Variants in CMTM8 observed in about 807,000 individuals in gnomAD.
CMTM8 encodes CKLF-like MARVEL transmembrane domain-containing protein 8.
A neutral mutation model predicts 18.6 loss-of-function variants in CMTM8; 12 were observed. The ratio of observed to expected loss-of-function variants is 0.65; its 90% CI spans 0.41 to 1.05. The LOEUF is 1.05. CMTM8 is among the 50% of genes least tolerant of loss of function. The pLI is 0.00. For missense variants in CMTM8, 217 were observed against 227.2 expected, an observed-to-expected ratio of 0.95 and a Z score of 0.29; for synonymous variants, 87 against 90.6, an observed-to-expected ratio of 0.96 and a Z score of 0.23.
chr3:32,251,511 G>A (rs1289851560), intron 1 of CMTM8, among the ~76,000 whole-genome samples: 3 of 139,408 alleles, frequency 2.2e-5, no homozygotes, highest in East Asian at 2.1e-4. Flanking sequence ...GACAGGTTTT[G>A]CCATGTTGCC....
At position 32,339,907 on chromosome 3, in the gene CMTM8, C is replaced by G. The variant is rs1696461051; in HGVS notation, c.148-17466C>G. Among the ~76,000 whole-genome samples the G allele has an allele frequency of 2.6e-5, 4 of 152,158 alleles. No individual in the cohort carries two copies. The South Asian group carries it at 6.2e-4, about 24-fold the overall frequency. On this transcript the variant is annotated intron_variant, in intron 1 of 3. Transcript: ENST00000307526. Reference sequence around the variant, plus strand: ...GAACCCGGGAGGCAGAGCTTGCAGTCAGCCAAGATCGCACCACTGCACTCC... The same window carrying G: ...GAACCCGGGAGGCAGAGCTTGCAGTGAGCCAAGATCGCACCACTGCACTCC...
At chr3:32,355,088 C>T (rs946572469) in intron 1 of CMTM8, among the ~76,000 whole-genome samples, 1 of 152,192 alleles carries the variant, frequency 6.6e-6, no homozygotes. Context: ...TGCTCCCTGG[C>T]ACAGGCACCA....
At chr3:32,239,398 A>C (rs1274125394) in intron 1 of CMTM8, among the ~76,000 whole-genome samples, 1 of 152,022 alleles carries the variant, frequency 6.6e-6, no homozygotes, top group Admixed American at 6.5e-5. Flanking sequence ...TCCTGGGAGC[A>C]GGAAGCTTGG....
At chr3:32,304,559 A>C (rs1559374939) in intron 1 of CMTM8, among the ~76,000 whole-genome samples, 2 of 152,262 alleles carry the variant, frequency 1.3e-5, no homozygotes, top group Admixed American at 6.5e-5. Context: ...TGAACAAAAG[A>C]AGCTTAGTTT....
intron 1 of CMTM8, among the ~76,000 whole-genome samples, chr3:32,296,853 C>T (rs1559372790): frequency 6.6e-6 from 1 of 152,200 alleles, no homozygotes; most frequent in East Asian, 1.9e-4. Context: ...GGGCGGCAGA[C>T]TGTGTGTTAT....
chr3:32,238,584 G>A (rs1391253166), upstream of CMTM8: 1 of 158,658 alleles, frequency 6.3e-6, no homozygotes, highest in Non-Finnish European at 1.4e-5. Context: ...TCGGGCAACA[G>A]GTGAAGAGGG....
chr3:32,249,170 T>G (rs1702082780), intron 1 of CMTM8, among the ~76,000 whole-genome samples: 1 of 150,240 alleles, frequency 6.7e-6, no homozygotes, highest in Admixed American at 6.7e-5. Flanking sequence ...GGCTCACGCC[T>G]GTAATCCCAC....
chr3:32,344,355 C>G lies in CMTM8; in HGVS notation c.148-13018C>G, dbSNP rs146302908. ...AGAGTACATTTTCAATAATGGTGCT[C>G]CTGCCAGTCAAGACTAAAGTCAAAA... On this transcript the variant is annotated intron_variant, in intron 1 of 3. Coordinates refer to ENST00000307526, the MANE Select transcript of CMTM8 (RefSeq NM_178868.5). 2.2e-4 allele frequency among the ~76,000 whole-genome samples: 33 copies of G among 152,264 alleles called. 1 individual carries two copies. The Middle Eastern group carries it at 0.01, about 47-fold the overall frequency.
At chr3:32,369,451 G>A (rs1449899847) in intron 3 of CMTM8, among the ~76,000 whole-genome samples, 1 of 152,084 alleles carries the variant, frequency 6.6e-6, no homozygotes, top group Non-Finnish European at 1.5e-5. Context: ...AATTAAGAAG[G>A]GCCTGCATTT....
chr3:32,360,587 C>G (rs968551299), intron 2 of CMTM8, among the ~76,000 whole-genome samples: 1 of 152,250 alleles, frequency 6.6e-6, no homozygotes, highest in Non-Finnish European at 1.5e-5. Context: ...GAATCTCTTA[C>G]AGAACAGCCT....
intron 1 of CMTM8, among the ~76,000 whole-genome samples, chr3:32,275,850 A>G (rs1056623290): frequency 6.6e-6 from 1 of 151,840 alleles, no homozygotes; most frequent in Non-Finnish European, 1.5e-5. Flanking sequence ...GGGTTTCGCT[A>G]TGTTGGCCAG....
At chr3:32,262,136 T>C (rs552181695) in intron 1 of CMTM8, among the ~76,000 whole-genome samples, 1 of 152,216 alleles carries the variant, frequency 6.6e-6, no homozygotes, top group South Asian at 2.1e-4. Flanking sequence ...ATTGTCCCCA[T>C]TGCGAGTCAT....
chr3:32,290,948 A>G (rs996167413), intron 1 of CMTM8, among the ~76,000 whole-genome samples: 4 of 152,144 alleles, frequency 2.6e-5, no homozygotes, highest in African/African-American at 4.8e-5. Context: ...GGGTTTTGCC[A>G]TGTTGCCCAG....
At chr3:32,239,912 C>T (rs1178810582) in intron 1 of CMTM8, among the ~76,000 whole-genome samples, 1 of 152,190 alleles carries the variant, frequency 6.6e-6, no homozygotes, top group Non-Finnish European at 1.5e-5. Context: ...GACCACCCTC[C>T]CCTGTGAAGG....
chr3:32,368,753 C>T (rs1251796446), intron 3 of CMTM8, among the ~76,000 whole-genome samples: 2 of 152,024 alleles, frequency 1.3e-5, no homozygotes, highest in Non-Finnish European at 2.9e-5. Context: ...TGAGCCACTG[C>T]GCCTGACCTT....
At chr3:32,284,246 C>G (rs751391647) in intron 1 of CMTM8, among the ~76,000 whole-genome samples, 1 of 152,198 alleles carries the variant, frequency 6.6e-6, no homozygotes, top group East Asian at 1.9e-4. Flanking sequence ...GAGCGAGACT[C>G]CGTCTCAAAA....
chr3:32,351,323 T>C (rs1461741267), intron 1 of CMTM8, among the ~76,000 whole-genome samples: 2 of 152,208 alleles, frequency 1.3e-5, no homozygotes, highest in Admixed American at 6.5e-5. Flanking sequence ...TAAGCATATA[T>C]ACAAAACTAC....
chr3:32,260,628 A>G (rs143949444), intron 1 of CMTM8, among the ~76,000 whole-genome samples: 1 of 149,286 alleles, frequency 6.7e-6, no homozygotes, highest in Admixed American at 6.7e-5. Flanking sequence ...ACATGTTAAC[A>G]TCTGATAGGA....
At chr3:32,240,718 T>C (rs1701936536) in intron 1 of CMTM8, among the ~76,000 whole-genome samples, 1 of 152,220 alleles carries the variant, frequency 6.6e-6, no homozygotes, top group African/African-American at 2.4e-5. Context: ...TGGGAAAACA[T>C]GTAAGCAAAA....
Sources: gnomAD v4.1 joint callset for allele counts (sites outside exome capture counted in the v4.1 genomes callset) on GRCh38, gnomAD v4.1.1 for gene constraint, MANE v1.5 for transcripts, NCBI Gene and HGNC (gene_info 2026-07-23, HGNC 2026-07-21) for gene names.